The following MAGEB10 variants were observed in gnomAD, a reference collection of about 807,000 sequenced individuals.
MAGEB10 encodes the protein melanoma-associated antigen B10.
For missense variants in MAGEB10, 190 were observed against 261.9 expected (o/e 0.73, Z 1.89); for synonymous variants, 99 against 101.0 (o/e 0.98, Z 0.12).
chrX:27,811,091 G>T (rs1446333898), intron 1 of MAGEB10, among the ~76,000 whole-genome samples: 2 of 107,253 alleles, frequency 1.9e-5, no homozygotes, highest in Non-Finnish European at 3.8e-5. Context: ...AGGCTGTCAA[G>T]GTGAGGAGTC....
chrX:27,812,955 G>C (rs1602862345), intron 1 of MAGEB10: 2 of 167,807 alleles, frequency 1.2e-5, no homozygotes, highest in East Asian at 3.2e-4. Flanking sequence ...CTGTGTTTTT[G>C]AAGAGGACAG....
chrX:27,812,693 T>C, intron 1 of MAGEB10: 1 of 357,423 alleles, frequency 2.8e-6, no homozygotes, highest in Non-Finnish European at 5.6e-6. Context: ...CTCCAAGCTA[T>C]GAATTCCTGT....
At chrX:27,814,671 T>G (rs2147394309) in intron 1 of MAGEB10, among the ~76,000 whole-genome samples, 1 of 111,758 alleles carries the variant, frequency 8.9e-6, no homozygotes, top group Admixed American at 9.5e-5. Context: ...AGAGTTTTCA[T>G]ACATTACATA....
chrX:27,810,140 G>A (rs1039154054), intron 1 of MAGEB10, among the ~76,000 whole-genome samples: 4 of 111,393 alleles, frequency 3.6e-5, no homozygotes, highest in East Asian at 2.9e-4. Flanking sequence ...TTGGCAACCC[G>A]CTGGGGTCCC....
intron 1 of MAGEB10, among the ~76,000 whole-genome samples, chrX:27,811,362 G>A (rs147671021): frequency 5.4e-5 from 6 of 111,130 alleles, no homozygotes; most frequent in African/African-American, 1.6e-4. Context: ...GGGTCTCACC[G>A]ATCTCTGCAT....
intron 2 of MAGEB10, among the ~76,000 whole-genome samples, chrX:27,819,337 G>A (rs999577): frequency 0.49 from 53,838 of 109,814 alleles, 9,909 homozygotes; most frequent in Middle Eastern, 0.57. Context: ...TCTCAGCACT[G>A]GGTCCCATAT....
chrX:27,813,665 G>A (rs924704386), intron 1 of MAGEB10, among the ~76,000 whole-genome samples: 1 of 111,786 alleles, frequency 8.9e-6, no homozygotes, highest in East Asian at 2.8e-4. Context: ...AATGTCCTGA[G>A]GCAAGTGGGT....
intron 2 of MAGEB10, 67 bp from the exon 3 acceptor site, chrX:27,821,191 G>A (rs775373471): frequency 2.7e-5 from 17 of 626,815 alleles, no homozygotes; most frequent in Non-Finnish European, 3.2e-5. Context: ...AGAGGTGGCC[G>A]TCAATAAAGC....
At position 27,819,135 on chromosome X, in the gene MAGEB10, A is replaced by G. The variant is rs1412573270; in HGVS notation, c.-50+1433A>G. Reference sequence around the variant, plus strand: ...CTCCTCACTTCACCCTCTGTAGTCCAGGGATATGGGACTGTGGGGTGAAGT... The same window carrying G: ...CTCCTCACTTCACCCTCTGTAGTCCGGGGATATGGGACTGTGGGGTGAAGT... On this transcript the variant is annotated intron_variant, in intron 2 of 2. Transcript: ENST00000356790. Among the ~76,000 whole-genome samples, 4 of 111,205 alleles carry G rather than the reference A, an allele frequency of 3.6e-5. No homozygotes were observed. The East Asian group carries it at 1.1e-3, about 32-fold the overall frequency.
At chrX:27,816,275 A>G (rs1051319051) in intron 1 of MAGEB10, among the ~76,000 whole-genome samples, 6 of 111,886 alleles carry the variant, frequency 5.4e-5, no homozygotes, top group African/African-American at 1.9e-4. Flanking sequence ...TTGGCCATGT[A>G]ACATAACATA....
At chrX:27,818,490 T>G (rs1457000863) in intron 2 of MAGEB10, among the ~76,000 whole-genome samples, 1 of 111,842 alleles carries the variant, frequency 8.9e-6, no homozygotes, top group Non-Finnish European at 1.9e-5. Flanking sequence ...AGGGATTTCC[T>G]GAGACGAACT....
At chrX:27,810,556 G>A (rs1923659091) in intron 1 of MAGEB10, among the ~76,000 whole-genome samples, 1 of 111,461 alleles carries the variant, frequency 9.0e-6, no homozygotes, top group Admixed American at 9.5e-5. Context: ...TCCCTAGCGT[G>A]GCTGTAAGGC....
chrX:27,819,952 C>A (rs921191995), intron 2 of MAGEB10, among the ~76,000 whole-genome samples: 1 of 111,090 alleles, frequency 9.0e-6, no homozygotes, highest in African/African-American at 3.3e-5. Flanking sequence ...AGGGTAATAG[C>A]CATGCCCTTG....
At chrX:27,812,031 G>C (rs1034873007) in intron 1 of MAGEB10, 1 of 115,983 alleles carries the variant, frequency 8.6e-6, no homozygotes, top group African/African-American at 3.2e-5. Context: ...AGATAGTCCT[G>C]AGAGGTCATC....
At chrX:27,808,495 G>A (rs1208159532) in intron 1 of MAGEB10, among the ~76,000 whole-genome samples, 1 of 111,742 alleles carries the variant, frequency 8.9e-6, no homozygotes, top group Non-Finnish European at 1.9e-5. Flanking sequence ...CTTGCAGTGA[G>A]GCGGTTGGTA....
intron 2 of MAGEB10, among the ~76,000 whole-genome samples, 170 bp downstream of exon 2, chrX:27,817,872 A>T (rs1477958238): frequency 8.9e-6 from 1 of 111,912 alleles, no homozygotes; most frequent in Non-Finnish European, 1.9e-5. Context: ...TTAGTGAAGG[A>T]CATCAGGAAA....
chrX:27,813,105 AGT>A (rs1251091941), intron 1 of MAGEB10, among the ~76,000 whole-genome samples: 1 of 112,343 alleles, frequency 8.9e-6, no homozygotes, highest in African/African-American at 3.2e-5. Context: ...TATAAGTGAT[AGT>A]AAGTCATACA....
chrX:27,814,499 A>G (rs1159367358), intron 1 of MAGEB10, among the ~76,000 whole-genome samples: 1 of 111,883 alleles, frequency 8.9e-6, no homozygotes, highest in Non-Finnish European at 1.9e-5. Context: ...GCTAAGCGGC[A>G]TTTTTGGTTG....
rs1923912192 is a variant in MAGEB10, at chrX:27,822,647, T to G, written c.*297T>G. The G allele has an allele frequency of 3.5e-6, 1 of 288,601 alleles. No homozygotes were observed. Among genetic ancestry groups the G allele is most frequent in the Non-Finnish European group, 6.3e-6 (1 of 158,559 alleles). 23.8% of individuals were successfully genotyped at this position (288,601 alleles called of 1,213,427 possible). On this transcript the variant is annotated 3_prime_UTR_variant, in exon 3 of 3. Coordinates refer to ENST00000356790, the MANE Select transcript of MAGEB10 (RefSeq NM_182506.3). ...CATTTATTTAGTGATCGAAACACGATAGCATGGTAGTAAATTAGGCATTTC... is the reference window on the plus strand; with the variant it reads ...CATTTATTTAGTGATCGAAACACGAGAGCATGGTAGTAAATTAGGCATTTC...
Sources: allele counts gnomAD v4.1 joint callset (sites outside exome capture counted in the v4.1 genomes callset), GRCh38; gene constraint gnomAD v4.1.1; transcripts MANE v1.5; gene names NCBI Gene and HGNC (gene_info 2026-07-23, HGNC 2026-07-21).